The following ATXN1 variants were observed in gnomAD, a reference collection of about 807,000 sequenced individuals.
ATXN1 encodes ataxin-1.
In ATXN1, 8 loss-of-function variants were observed where a neutral mutation model predicts 56.4. The observed-to-expected ratio is 0.14, with a 90% confidence interval of 0.08 to 0.26. The LOEUF (loss-of-function observed/expected upper bound fraction) is 0.26. Among genes scored for constraint, ATXN1 ranks in the 10% least tolerant of loss-of-function variants. ATXN1 has a pLI of 1.00. For missense variants in ATXN1, 987 were observed against 1,106.5 expected (o/e 0.89, Z 1.53); for synonymous variants, 514 against 494.6 (o/e 1.04, Z -0.52).
At chr6:16,701,703 G>T (rs1581377302) in intron 2 of ATXN1, among the ~76,000 whole-genome samples, 2 of 151,838 alleles carry the variant, frequency 1.3e-5, no homozygotes, top group Admixed American at 6.6e-5. Context: ...GACAAACAGA[G>T]AGCCAAATCA....
intron 6 of ATXN1, among the ~76,000 whole-genome samples, chr6:16,464,443 T>C (rs1336010494): frequency 1.3e-5 from 2 of 152,072 alleles, no homozygotes; most frequent in East Asian, 1.9e-4. Context: ...AGCAACCCAC[T>C]TGGGTCCCCT....
intron 4 of ATXN1, among the ~76,000 whole-genome samples, chr6:16,526,041 CTATATATA>C (rs71769107): frequency 1.4e-4 from 18 of 127,136 alleles, no homozygotes; most frequent in Admixed American, 2.4e-4. Flanking sequence ...AGAAATAAAT[CTATATATA>C]TATATATATA....
At chr6:16,374,167 C>A (rs1762101970) in intron 6 of ATXN1, among the ~76,000 whole-genome samples, 1 of 150,860 alleles carries the variant, frequency 6.6e-6, no homozygotes, top group South Asian at 2.1e-4. Context: ...GACATAGACC[C>A]TGCTAAAAAG....
At chr6:16,386,962 G>A (rs531340979) in intron 6 of ATXN1, among the ~76,000 whole-genome samples, 68 of 152,270 alleles carry the variant, frequency 4.5e-4, no homozygotes, top group African/African-American at 5.5e-4. Context: ...GTGAACTACC[G>A]TGCCCAGCCT....
intron 3 of ATXN1, among the ~76,000 whole-genome samples, chr6:16,587,788 A>G (rs576501198): frequency 1.6e-4 from 25 of 152,006 alleles, no homozygotes; most frequent in Admixed American, 1.6e-3. Flanking sequence ...AAAACTAGCC[A>G]GGCATGGTGG....
At chr6:16,547,248 TA>T (rs1374251424) in intron 4 of ATXN1, among the ~76,000 whole-genome samples, 2 of 152,208 alleles carry the variant, frequency 1.3e-5, no homozygotes, top group African/African-American at 4.8e-5. Context: ...CACATAAAGA[TA>T]CAGTATTTGG....
At chr6:16,386,624 C>A (rs776815027) in intron 6 of ATXN1, among the ~76,000 whole-genome samples, 5 of 152,082 alleles carry the variant, frequency 3.3e-5, no homozygotes, top group Admixed American at 6.5e-5. Context: ...TGCACAAGGC[C>A]ACCAGGGCTG....
intron 2 of ATXN1, among the ~76,000 whole-genome samples, chr6:16,710,048 G>A (rs1447487566): frequency 6.6e-6 from 1 of 152,062 alleles, no homozygotes; most frequent in Non-Finnish European, 1.5e-5. Context: ...AAAGAGAATA[G>A]AAGGAAACTT....
At chr6:16,555,712 G>A (rs866688822) in intron 4 of ATXN1, among the ~76,000 whole-genome samples, 8 of 152,300 alleles carry the variant, frequency 5.3e-5, no homozygotes, top group Middle Eastern at 6.8e-3. Context: ...GCAGATAATT[G>A]TGTAGTGTGT....
chr6:16,540,090 C>T (rs536686848), intron 4 of ATXN1, among the ~76,000 whole-genome samples: 1 of 152,222 alleles, frequency 6.6e-6, no homozygotes, highest in Non-Finnish European at 1.5e-5. Flanking sequence ...GAAGAGAAAA[C>T]TGGAAGTGCA....
intron 4 of ATXN1, among the ~76,000 whole-genome samples, chr6:16,542,227 C>G (rs1397496431): frequency 6.6e-6 from 1 of 152,168 alleles, no homozygotes; most frequent in Non-Finnish European, 1.5e-5. Context: ...CCAATGGGTT[C>G]TCTGCACAGC....
At position 16,506,042 on chromosome 6, in the gene ATXN1, G is replaced by A. The variant is rs1362339518; in HGVS notation, c.-299+16585C>T. Among the ~76,000 whole-genome samples the A allele has an allele frequency of 6.6e-6, 1 of 152,092 alleles. No individual in the cohort carries two copies. The highest frequency in any genetic ancestry group is 1.5e-5 in the Non-Finnish European group (1 of 68,012). On this transcript the variant is annotated intron_variant, in intron 5 of 7. Transcript: ENST00000436367. The surrounding 1 kb of genome is among the most constrained non-coding windows in gnomAD (Gnocchi z 4.1). ...CAGTGTCTTCCCTCCTAGAAGAGAG[G>A]CCCAGGCTGAGAGCATCATGGTTTT...
At chr6:16,337,181 T>C (rs1452263267) in intron 6 of ATXN1, among the ~76,000 whole-genome samples, 1 of 152,224 alleles carries the variant, frequency 6.6e-6, no homozygotes, top group Non-Finnish European at 1.5e-5. Flanking sequence ...CCTGTCCACA[T>C]AATGGAGGGC....
chr6:16,656,517 G>C (rs948977271), intron 3 of ATXN1, among the ~76,000 whole-genome samples: 11 of 152,150 alleles, frequency 7.2e-5, no homozygotes, highest in Non-Finnish European at 1.5e-4. Context: ...ATTCCTGGAA[G>C]TCCACATTAT....
chr6:16,586,754 C>T (rs942857989), intron 3 of ATXN1, among the ~76,000 whole-genome samples: 1 of 152,180 alleles, frequency 6.6e-6, no homozygotes, highest in African/African-American at 2.4e-5. Context: ...GGCATGGTGG[C>T]TCATGCCTGT....
intron 4 of ATXN1, among the ~76,000 whole-genome samples, chr6:16,536,354 A>G (rs561415312): frequency 4.1e-4 from 63 of 152,380 alleles, no homozygotes; most frequent in African/African-American, 1.4e-3. Context: ...AACATGATGG[A>G]CTGCAGGATG....
intron 2 of ATXN1, among the ~76,000 whole-genome samples, chr6:16,744,253 G>C (rs1460290665): frequency 6.6e-6 from 1 of 152,134 alleles, no homozygotes; most frequent in Non-Finnish European, 1.5e-5. Context: ...CCCCGGAGAA[G>C]AGCTACAACA....
rs191716106 is a variant in ATXN1, at chr6:16,326,235, A to G, written c.1917+159T>C. ...CAGAGATCACGGGGAAATGGGGCTT[A>G]TTTTTTCTAGAGAACGCAGTTGGGA... is the stretch of plus-strand genomic sequence containing the variant. On this transcript the variant is annotated intron_variant, in intron 7 of 7. Coordinates refer to ENST00000436367, the MANE Select transcript of ATXN1 (RefSeq NM_001128164.2). The surrounding 1 kb of genome is among the most constrained non-coding windows in gnomAD (Gnocchi z 6.6). 2.3e-4 allele frequency among the ~76,000 whole-genome samples: 35 copies of G among 152,160 alleles called. No homozygotes were observed. Among genetic ancestry groups the G allele is most frequent in the African/African-American group, 7.5e-4 (31 of 41,518 alleles).
chr6:16,353,933 T>G (rs1761625749), intron 6 of ATXN1, among the ~76,000 whole-genome samples: 1 of 148,896 alleles, frequency 6.7e-6, no homozygotes, highest in South Asian at 2.2e-4. Context: ...CCTAGGAATC[T>G]GTATTTTAAA....
Sources: gnomAD v4.1 joint callset for allele counts (sites outside exome capture counted in the v4.1 genomes callset) on GRCh38, gnomAD v4.1.1 for gene constraint, Gnocchi (gnomAD v3.1) non-coding constraint, MANE v1.5 for transcripts, NCBI Gene and HGNC (gene_info 2026-07-23, HGNC 2026-07-21) for gene names.